KIAA1549L: variants seen among roughly 807,000 people sequenced by gnomAD.
The protein encoded by KIAA1549L is KIAA1549 like.
Under a neutral mutation model 160.7 loss-of-function variants are expected in KIAA1549L, and 88 were observed. The ratio of observed to expected loss-of-function variants is 0.55; its 90% CI spans 0.46 to 0.65. The LOEUF is 0.65. KIAA1549L is among the 30% of genes least tolerant of loss of function. The probability of loss-of-function intolerance (pLI) is 0.00; values close to 1 mark genes in which losing one functional copy is unlikely to be tolerated. For synonymous variants in KIAA1549L, 950 were observed against 976.7 expected (o/e 0.97, Z 0.51); for missense variants, 2,258 against 2,437.5 (o/e 0.93, Z 1.55).
At chr11:33,407,743 GC>G (rs1478435183) in intron 1 of KIAA1549L, among the ~76,000 whole-genome samples, 1 of 152,064 alleles carries the variant, frequency 6.6e-6, no homozygotes, top group African/African-American at 2.4e-5. Flanking sequence ...CTAAGGGTTT[GC>G]CTTGCAGTGA....
chr11:33,502,427 T>G (rs1202554969), intron 1 of KIAA1549L, among the ~76,000 whole-genome samples: 1 of 152,218 alleles, frequency 6.6e-6, no homozygotes, highest in Non-Finnish European at 1.5e-5. Flanking sequence ...GTGGTGATAT[T>G]TGAACTGGCT....
chr11:33,632,321 C>A (rs1851318034), intron 16 of KIAA1549L, among the ~76,000 whole-genome samples: 2 of 152,212 alleles, frequency 1.3e-5, no homozygotes, highest in Non-Finnish European at 2.9e-5. Context: ...TCTCTTTTCC[C>A]AACCTCAAGA....
At chr11:33,627,484 C>T (rs11500270) in intron 16 of KIAA1549L, among the ~76,000 whole-genome samples, 4 of 151,666 alleles carry the variant, frequency 2.6e-5, no homozygotes, top group East Asian at 3.9e-4. Flanking sequence ...GTTTAGTCTT[C>T]GGAGAGTGTA....
intron 1 of KIAA1549L, among the ~76,000 whole-genome samples, chr11:33,461,397 G>T (rs140265949): frequency 9.2e-4 from 140 of 152,276 alleles, no homozygotes; most frequent in Non-Finnish European, 1.7e-3. Context: ...CTGCTCCACA[G>T]GTGAGTGCTG....
intron 16 of KIAA1549L, among the ~76,000 whole-genome samples, chr11:33,635,685 T>C (rs1238904680): frequency 2.7e-4 from 8 of 29,948 alleles, no homozygotes; most frequent in African/African-American, 3.0e-4. Context: ...TAAAACTGTT[T>C]CATTCATTTT....
intron 1 of KIAA1549L, among the ~76,000 whole-genome samples, chr11:33,380,756 C>T (rs1565113057): frequency 6.6e-6 from 1 of 152,074 alleles, no homozygotes; most frequent in Non-Finnish European, 1.5e-5. Context: ...ATTTAGAATA[C>T]TTAGCTCTTC....
At chr11:33,490,597 C>T (rs1852635339) in intron 1 of KIAA1549L, among the ~76,000 whole-genome samples, 1 of 152,152 alleles carries the variant, frequency 6.6e-6, no homozygotes, top group Admixed American at 6.5e-5. Flanking sequence ...GCTACTGTGC[C>T]TGGCCCACTT....
intron 1 of KIAA1549L, among the ~76,000 whole-genome samples, chr11:33,473,686 A>G (rs1590271427): frequency 6.6e-6 from 1 of 152,116 alleles, no homozygotes; most frequent in South Asian, 2.1e-4. Context: ...CCTTCGAGTC[A>G]TATTAGATTA....
At chr11:33,630,463 T>C (rs929779767) in intron 16 of KIAA1549L, among the ~76,000 whole-genome samples, 2 of 152,270 alleles carry the variant, frequency 1.3e-5, no homozygotes, top group African/African-American at 4.8e-5. Flanking sequence ...CCGAGCCAGG[T>C]GCGGGATATA....
chr11:33,402,065 G>A (rs180680432), intron 1 of KIAA1549L, among the ~76,000 whole-genome samples: 1 of 152,130 alleles, frequency 6.6e-6, no homozygotes, highest in African/African-American at 2.4e-5. Context: ...TTACAGCATC[G>A]AGGGGTCAGT....
intron 12 of KIAA1549L, among the ~76,000 whole-genome samples, chr11:33,593,548 G>C (rs1850119016): frequency 6.6e-6 from 1 of 152,254 alleles, no homozygotes; most frequent in Non-Finnish European, 1.5e-5. Context: ...CAAGGCTACT[G>C]CCGTGACCTA....
chr11:33,667,991 C>T lies in KIAA1549L; in HGVS notation c.6278C>T (p.Ala2093Val), dbSNP rs372458392. ...PANLHPSLEQ[A>V]PAPSTAASQQ... ...AACCTGCACCCCAGCCTGGAGCAGG[C>T]CCCGGCGCCCTCCACAGCGGCCTCG... is the stretch of plus-strand genomic sequence containing the variant. Residue 2093 changes from alanine to valine, a missense_variant, in exon 21 of 21, where the codon GCC becomes GTC. By Grantham distance (64) the Ala-to-Val change is moderately conservative (BLOSUM62 0). Coordinates refer to ENST00000658780, the MANE Select transcript of KIAA1549L (RefSeq NM_012194.3). 5 of 1,613,776 alleles carry T rather than the reference C, an allele frequency of 3.1e-6. No individual in the cohort carries two copies. The highest frequency in any genetic ancestry group is 1.3e-5 in the African/African-American group (1 of 74,940).
At chr11:33,446,714 G>C (rs937231530) in intron 1 of KIAA1549L, among the ~76,000 whole-genome samples, 70 of 152,126 alleles carry the variant, frequency 4.6e-4, no homozygotes, top group African/African-American at 1.6e-3. Context: ...GTCTAAGATG[G>C]CTCACTCATA....
At chr11:33,468,672 T>C (rs933351082) in intron 1 of KIAA1549L, among the ~76,000 whole-genome samples, 1 of 152,216 alleles carries the variant, frequency 6.6e-6, no homozygotes, top group African/African-American at 2.4e-5. Context: ...AGTGAGAAGA[T>C]TAAACTTAGT....
intron 1 of KIAA1549L, among the ~76,000 whole-genome samples, chr11:33,446,190 G>A (rs1319107539): frequency 6.6e-6 from 1 of 151,610 alleles, no homozygotes; most frequent in African/African-American, 2.4e-5. Flanking sequence ...CGCCTCCCAG[G>A]CTCAAGCGAT....
At chr11:33,565,088 G>T (rs906270760) in intron 8 of KIAA1549L, among the ~76,000 whole-genome samples, 2 of 152,236 alleles carry the variant, frequency 1.3e-5, no homozygotes, top group African/African-American at 4.8e-5. Flanking sequence ...TGCACTAGGG[G>T]GCTGGTGTCT....
intron 1 of KIAA1549L, among the ~76,000 whole-genome samples, chr11:33,439,666 C>T (rs919993906): frequency 1.3e-5 from 2 of 151,528 alleles, no homozygotes; most frequent in South Asian, 2.1e-4. Context: ...CTGCCTTGGC[C>T]TCCCAAAGTG....
chr11:33,505,778 A>G (rs1027487587), intron 1 of KIAA1549L, among the ~76,000 whole-genome samples: 1 of 152,156 alleles, frequency 6.6e-6, no homozygotes, highest in Non-Finnish European at 1.5e-5. Context: ...TACAGTTCCC[A>G]GTTTGCTTTT....
intron 1 of KIAA1549L, among the ~76,000 whole-genome samples, chr11:33,447,026 T>C (rs973994169): frequency 3.9e-5 from 6 of 152,186 alleles, no homozygotes; most frequent in African/African-American, 1.4e-4. Flanking sequence ...AGAAGACATA[T>C]AATCGTACAA....
Sources: gnomAD v4.1 joint callset for allele counts (sites outside exome capture counted in the v4.1 genomes callset) on GRCh38, gnomAD v4.1.1 for gene constraint, MANE v1.5 for transcripts, NCBI Gene and HGNC (gene_info 2026-07-23, HGNC 2026-07-21) for gene names.